DOCK2: variants seen among roughly 807,000 people sequenced by gnomAD.
The protein encoded by DOCK2 is dedicator of cytokinesis 2.
In DOCK2, 87 loss-of-function variants were observed where a neutral mutation model predicts 248.9. The observed-to-expected ratio is 0.35, with a 90% CI of 0.29 to 0.42. DOCK2 has a LOEUF of 0.42. Ranked by LOEUF, DOCK2 falls within the 10% of genes least tolerant of loss-of-function variation. The pLI is 1.00. For missense variants in DOCK2, 1,747 were observed against 2,300.2 expected, an observed-to-expected ratio of 0.76 and a Z score of 4.92; for synonymous variants, 805 against 821.6, an observed-to-expected ratio of 0.98 and a Z score of 0.35.
intron 2 of DOCK2, among the ~76,000 whole-genome samples, chr5:169,666,092 G>A (rs184816124): frequency 6.6e-6 from 1 of 152,272 alleles, no homozygotes; most frequent in East Asian, 1.9e-4. Context: ...ATGGAGACTG[G>A]AAAGTTGAAG....
At chr5:169,815,741 C>A (rs1238989066) in intron 26 of DOCK2, among the ~76,000 whole-genome samples, 2 of 152,040 alleles carry the variant, frequency 1.3e-5, no homozygotes, top group African/African-American at 4.8e-5. Flanking sequence ...TAGTGTCTAA[C>A]TTGTATCACT....
intron 25 of DOCK2, among the ~76,000 whole-genome samples, chr5:169,772,171 C>T (rs933244674): frequency 2.0e-5 from 3 of 152,158 alleles, no homozygotes; most frequent in East Asian, 1.9e-4. Flanking sequence ...TCTGTGCTAT[C>T]GCTCACTGAG....
chr5:169,892,225 TA>T (rs979316422), intron 27 of DOCK2, among the ~76,000 whole-genome samples: 2 of 151,988 alleles, frequency 1.3e-5, no homozygotes, highest in Non-Finnish European at 2.9e-5. Context: ...AAAGCAAACC[TA>T]AAAACCATGA....
chr5:169,883,427 C>G lies in DOCK2; in HGVS notation c.2799+42575C>G. On this transcript the variant is annotated intron_variant, in intron 27 of 51. Coordinates refer to ENST00000520908, the MANE Select transcript of DOCK2 (RefSeq NM_004946.3). ...ACCTTGACCCTTCGAGGCCCATCCT[C>G]AAGATGCTGAGCCAACCTTAAGTAG... The G allele has an allele frequency of 2.6e-6, 4 of 1,551,686 alleles. No individual in the cohort carries two copies. The African/African-American group carries it at 4.1e-5, about 16-fold the overall frequency.
At chr5:169,946,450 C>T (rs1399953199) in intron 27 of DOCK2, among the ~76,000 whole-genome samples, 1 of 152,186 alleles carries the variant, frequency 6.6e-6, no homozygotes, top group African/African-American at 2.4e-5. Flanking sequence ...GAGGAAAGGG[C>T]AGGAGTGTTT....
intron 27 of DOCK2, among the ~76,000 whole-genome samples, chr5:169,847,189 C>A (rs763984705): frequency 2.6e-5 from 4 of 152,310 alleles, no homozygotes; most frequent in East Asian, 1.9e-4. Context: ...ATAATGACTT[C>A]TTTCCCTTTG....
chr5:169,752,185 G>A (rs1763931579), intron 23 of DOCK2, among the ~76,000 whole-genome samples: 1 of 152,176 alleles, frequency 6.6e-6, no homozygotes, highest in Non-Finnish European at 1.5e-5. Flanking sequence ...GACATATGGC[G>A]ATGTTGTGCA....
chr5:170,030,391 C>T (rs912402815), intron 34 of DOCK2, among the ~76,000 whole-genome samples: 2 of 152,060 alleles, frequency 1.3e-5, no homozygotes, highest in Non-Finnish European at 2.9e-5. Context: ...CCTTTCACCT[C>T]TCTGAGTCTC....
chr5:170,080,748 C>G (rs1011541850), intron 50 of DOCK2: 4 of 164,074 alleles, frequency 2.4e-5, no homozygotes, highest in African/African-American at 9.5e-5. Flanking sequence ...CGTCGTCACT[C>G]ACTCACTGTC....
chr5:169,744,848 G>A (rs1302744667), intron 22 of DOCK2, among the ~76,000 whole-genome samples: 1 of 152,206 alleles, frequency 6.6e-6, no homozygotes, highest in East Asian at 1.9e-4. Flanking sequence ...AAGTGTTGCT[G>A]GAGCCCAGCC....
intron 22 of DOCK2, among the ~76,000 whole-genome samples, chr5:169,730,227 G>C (rs1002458731): frequency 3.9e-5 from 6 of 152,226 alleles, no homozygotes; most frequent in Middle Eastern, 3.2e-3. Flanking sequence ...AAAGTGCTGG[G>C]ATTACAGGCA....
At chr5:169,862,761 A>C (rs980311863) in intron 27 of DOCK2, among the ~76,000 whole-genome samples, 2 of 152,200 alleles carry the variant, frequency 1.3e-5, no homozygotes, top group African/African-American at 4.8e-5. Context: ...TCACTGCATC[A>C]CTATGACAGG....
intron 22 of DOCK2, among the ~76,000 whole-genome samples, chr5:169,719,634 AC>A (rs1272673842): frequency 6.6e-6 from 1 of 152,060 alleles, no homozygotes; most frequent in African/African-American, 2.4e-5. Context: ...CTAGATCTGG[AC>A]TCTGCTTTCT....
intron 20 of DOCK2, 52 bp downstream of exon 20, chr5:169,716,354 T>G (rs1435298540): frequency 4.4e-6 from 7 of 1,576,020 alleles, no homozygotes; most frequent in Non-Finnish European, 6.1e-6. Flanking sequence ...ATGTATGTCT[T>G]ACTGTGAAAA....
intron 27 of DOCK2, among the ~76,000 whole-genome samples, chr5:169,865,454 C>T (rs1280060704): frequency 6.6e-6 from 1 of 152,152 alleles, no homozygotes; most frequent in Admixed American, 6.5e-5. Context: ...GGTTCACCCT[C>T]CCCAGAACCC....
At chr5:169,949,867 A>T (rs1441665852) in intron 27 of DOCK2, among the ~76,000 whole-genome samples, 1 of 151,950 alleles carries the variant, frequency 6.6e-6, no homozygotes, top group Non-Finnish European at 1.5e-5. Context: ...AAATGCAAAT[A>T]GACTCTTCAC....
chr5:169,928,612 A>G (rs920225109), intron 27 of DOCK2, among the ~76,000 whole-genome samples: 5 of 152,240 alleles, frequency 3.3e-5, no homozygotes, highest in Middle Eastern at 3.2e-3. Flanking sequence ...GGACAGTGTC[A>G]TGGAGGCCTA....
intron 22 of DOCK2, among the ~76,000 whole-genome samples, chr5:169,746,184 G>A (rs1176453894): frequency 6.6e-6 from 1 of 152,120 alleles, no homozygotes; most frequent in African/African-American, 2.4e-5. Context: ...GAAGTCAGGG[G>A]GAGGGTGGGG....
At chr5:169,843,273 G>A (rs955231970) in intron 27 of DOCK2, among the ~76,000 whole-genome samples, 1 of 151,956 alleles carries the variant, frequency 6.6e-6, no homozygotes, top group Non-Finnish European at 1.5e-5. Flanking sequence ...AGCTGTGACC[G>A]CTCCCTCTTC....
Sources: allele counts gnomAD v4.1 joint callset (sites outside exome capture counted in the v4.1 genomes callset), GRCh38; gene constraint gnomAD v4.1.1; transcripts MANE v1.5; gene names NCBI Gene and HGNC (gene_info 2026-07-23, HGNC 2026-07-21).